Variants in CYP7B1 observed in about 807,000 individuals in gnomAD.
CYP7B1 encodes cytochrome P450 7B1.
CYP7B1 carries 29 observed loss-of-function variants against 42.7 expected under a neutral mutation model. The observed-to-expected ratio is 0.68, with a 90% CI of 0.51 to 0.93. The LOEUF is 0.93. Among genes scored for constraint, CYP7B1 ranks in the 40% least tolerant of loss-of-function variants. The probability of loss-of-function intolerance (pLI) is 0.00; values close to 1 mark genes in which losing one functional copy is unlikely to be tolerated. For missense variants in CYP7B1, 655 were observed against 600.5 expected (o/e 1.09, Z -0.95); for synonymous variants, 235 against 218.2 (o/e 1.08, Z -0.68).
At chr8:64,638,213 T>C (rs190156144) in intron 1 of CYP7B1, among the ~76,000 whole-genome samples, 117 of 152,278 alleles carry the variant, frequency 7.7e-4, no homozygotes, top group Middle Eastern at 3.4e-3. Context: ...CTCTTTTTCA[T>C]GATGGCGACT....
chr8:64,728,957 AAG>A (rs1290312616), intron 1 of CYP7B1: 1 of 152,200 alleles, frequency 6.6e-6, no homozygotes, highest in Non-Finnish European at 1.5e-5. Context: ...CCAGGAGTTC[AAG>A]AACAGCCTGA....
At chr8:64,720,279 C>T (rs758529775) in intron 1 of CYP7B1, among the ~76,000 whole-genome samples, 12 of 152,034 alleles carry the variant, frequency 7.9e-5, no homozygotes, top group Non-Finnish European at 1.2e-4. Flanking sequence ...TACATGAAAA[C>T]TGACTTATAA....
At chr8:64,636,047 T>G (rs974818113) in intron 1 of CYP7B1, among the ~76,000 whole-genome samples, 1 of 152,204 alleles carries the variant, frequency 6.6e-6, no homozygotes, top group Non-Finnish European at 1.5e-5. Context: ...GGTAGAGTTT[T>G]AAAACTATCA....
intron 1 of CYP7B1, among the ~76,000 whole-genome samples, chr8:64,658,649 A>G (rs550132055): frequency 6.6e-6 from 1 of 152,156 alleles, no homozygotes; most frequent in Non-Finnish European, 1.5e-5. Context: ...TTCCCTGGTA[A>G]GTCTTCATCT....
At chr8:64,612,203 T>C (rs1012400929) in intron 4 of CYP7B1, among the ~76,000 whole-genome samples, 1 of 152,082 alleles carries the variant, frequency 6.6e-6, no homozygotes, top group African/African-American at 2.4e-5. Context: ...GATTTTTTTC[T>C]GAGATAACTG....
chr8:64,629,652 G>A (rs748862991), intron 1 of CYP7B1, among the ~76,000 whole-genome samples: 9 of 151,804 alleles, frequency 5.9e-5, no homozygotes, highest in East Asian at 1.9e-4. Context: ...GTGTTTTACC[G>A]TTCTTTGACT....
At chr8:64,652,611 G>A (rs541623865) in intron 1 of CYP7B1, among the ~76,000 whole-genome samples, 1 of 152,272 alleles carries the variant, frequency 6.6e-6, no homozygotes, top group Admixed American at 6.5e-5. Context: ...TTGGGAGGCC[G>A]AGGCAGGCGG....
intron 2 of CYP7B1, among the ~76,000 whole-genome samples, chr8:64,616,849 G>A (rs1256362647): frequency 6.6e-6 from 1 of 152,182 alleles, no homozygotes; most frequent in East Asian, 1.9e-4. Flanking sequence ...TTTTATGGAT[G>A]TGGGAGATTT....
intron 1 of CYP7B1, among the ~76,000 whole-genome samples, chr8:64,792,932 T>C (rs898336887): frequency 1.3e-5 from 2 of 152,144 alleles, no homozygotes. Flanking sequence ...GCAGAATATG[T>C]GATTAAGTTA....
At chr8:64,685,478 G>A (rs1448776669) in intron 1 of CYP7B1, among the ~76,000 whole-genome samples, 3 of 48,668 alleles carry the variant, frequency 6.2e-5, no homozygotes, top group East Asian at 4.3e-4. Flanking sequence ...CTGCCCGGCC[G>A]CCCATCGTCT....
chr8:64,596,559 T>C lies in CYP7B1; in HGVS notation c.*83A>G. 1 of 1,331,522 alleles carries C rather than the reference T, an allele frequency of 7.5e-7. No homozygotes were observed. The highest frequency in any genetic ancestry group is 1.0e-6 in the Non-Finnish European group (1 of 963,020). The allele number at this position is 1,331,522 out of a possible 1,614,324, so 82.5% of individuals were successfully genotyped here. On this transcript the variant is annotated 3_prime_UTR_variant, in exon 6 of 6. Coordinates refer to ENST00000310193, the MANE Select transcript of CYP7B1 (RefSeq NM_004820.5). ...TTTTTAAACAAATAAATCAATTACA[T>C]TTGCAGAAATTAAAAAGAAATAGAT...
chr8:64,784,636 G>C (rs1804491365), intron 1 of CYP7B1, among the ~76,000 whole-genome samples: 1 of 152,100 alleles, frequency 6.6e-6, no homozygotes, highest in African/African-American at 2.4e-5. Context: ...GTAAGAGATG[G>C]AGCCTAGATT....
At chr8:64,741,044 G>A (rs992290799) in intron 1 of CYP7B1, among the ~76,000 whole-genome samples, 16 of 151,972 alleles carry the variant, frequency 1.1e-4, no homozygotes, top group Non-Finnish European at 4.4e-5. Flanking sequence ...GAGAGTGACA[G>A]ACCAATGTGG....
intron 4 of CYP7B1, among the ~76,000 whole-genome samples, chr8:64,606,094 G>A (rs1347092181): frequency 6.6e-6 from 1 of 152,230 alleles, no homozygotes; most frequent in East Asian, 1.9e-4. Context: ...CTAAAGAAAT[G>A]AGGCTGCGGT....
chr8:64,747,528 G>C (rs1057366819), intron 1 of CYP7B1, among the ~76,000 whole-genome samples: 23 of 151,580 alleles, frequency 1.5e-4, no homozygotes, highest in Admixed American at 4.6e-4. Context: ...AAGTAAGCTA[G>C]AGAAAAGCAA....
chr8:64,673,177 T>G (rs916547068), intron 1 of CYP7B1, among the ~76,000 whole-genome samples: 1 of 152,134 alleles, frequency 6.6e-6, no homozygotes, highest in Non-Finnish European at 1.5e-5. Context: ...TGTCCTGTTG[T>G]GATTTTCCCT....
intron 1 of CYP7B1, among the ~76,000 whole-genome samples, chr8:64,654,501 A>G (rs1806091071): frequency 6.6e-6 from 1 of 152,196 alleles, no homozygotes; most frequent in African/African-American, 2.4e-5. Flanking sequence ...ATTACAAAAC[A>G]CTGCTCAAAG....
chr8:64,668,803 G>A (rs1158292902), intron 1 of CYP7B1, among the ~76,000 whole-genome samples: 1 of 150,608 alleles, frequency 6.6e-6, no homozygotes, highest in Non-Finnish European at 1.5e-5. Context: ...ATCAAGGGGA[G>A]AATGATAATG....
chr8:64,589,950 AATT>A (rs946310527), downstream of CYP7B1: 1 of 152,210 alleles, frequency 6.6e-6, no homozygotes, highest in African/African-American at 2.4e-5. Flanking sequence ...AACAGTAAAT[AATT>A]AACAATAAAC....
Sources: allele counts gnomAD v4.1 joint callset (sites outside exome capture counted in the v4.1 genomes callset), GRCh38; gene constraint gnomAD v4.1.1; transcripts MANE v1.5; gene names NCBI Gene and HGNC (gene_info 2026-07-23, HGNC 2026-07-21).